The following EYA4 variants were observed in gnomAD, a reference collection of about 807,000 sequenced individuals.
EYA4 encodes EYA transcriptional coactivator and phosphatase 4.
EYA4 carries 31 observed loss-of-function variants against 87.9 expected under a neutral mutation model. The ratio of observed to expected loss-of-function variants is 0.35; its 90% CI spans 0.27 to 0.48. EYA4 has a LOEUF of 0.48. Among genes scored for constraint, EYA4 ranks in the 20% least tolerant of loss-of-function variants. The pLI is 0.99. For missense variants in EYA4, 678 were observed against 761.4 expected, an observed-to-expected ratio of 0.89 and a Z score of 1.29; for synonymous variants, 263 against 270.6, an observed-to-expected ratio of 0.97 and a Z score of 0.28.
intron 13 of EYA4, among the ~76,000 whole-genome samples, chr6:133,490,722 A>T (rs1258957343): frequency 6.6e-6 from 1 of 152,182 alleles, no homozygotes; most frequent in Non-Finnish European, 1.5e-5. Flanking sequence ...TATCATTAAT[A>T]CTAAAGAGAG....
intron 17 of EYA4, among the ~76,000 whole-genome samples, chr6:133,521,237 G>C (rs937955766): frequency 2.0e-5 from 3 of 151,598 alleles, no homozygotes; most frequent in African/African-American, 7.3e-5. Flanking sequence ...CTGATATCCA[G>C]AATCTACAAT....
chr6:133,292,977 A>G (rs1778609127), intron 2 of EYA4, among the ~76,000 whole-genome samples: 1 of 152,160 alleles, frequency 6.6e-6, no homozygotes, highest in African/African-American at 2.4e-5. Flanking sequence ...GTCACACAAC[A>G]CAGTTGATAG....
At chr6:133,309,860 A>G (rs1780083578) in intron 2 of EYA4, among the ~76,000 whole-genome samples, 1 of 152,202 alleles carries the variant, frequency 6.6e-6, no homozygotes, top group Non-Finnish European at 1.5e-5. Flanking sequence ...ATTATGAAAC[A>G]GTATTCTGTC....
chr6:133,528,670 C>A, intron 19 of EYA4, 55 bp from the exon 20 acceptor site: 1 of 1,218,696 alleles, frequency 8.2e-7, no homozygotes, highest in Non-Finnish European at 1.2e-6. Context: ...GATCTCTCTC[C>A]ATGCCTCATT....
At chr6:133,443,542 TTG>T (rs1288684802) in intron 3 of EYA4, among the ~76,000 whole-genome samples, 1 of 152,082 alleles carries the variant, frequency 6.6e-6, no homozygotes, top group Non-Finnish European at 1.5e-5. Flanking sequence ...CTACTCTTTA[TTG>T]TTTCCTTCTA....
intron 3 of EYA4, among the ~76,000 whole-genome samples, chr6:133,445,499 GTTTC>G (rs1792727872): frequency 6.6e-6 from 1 of 150,382 alleles, no homozygotes; most frequent in African/African-American, 2.4e-5. Context: ...TGATCTTTAT[GTTTC>G]TTTCTTCCAT....
In EYA4 at chr6:133,249,260, A is replaced by C. The variant is rs577033714; in HGVS notation, c.-66+7511A>C. Among the ~76,000 whole-genome samples, 347 of 152,300 alleles carry C rather than the reference A, an allele frequency of 2.3e-3. 1 individual carries two copies. The highest frequency in any genetic ancestry group is 4.1e-3 in the Non-Finnish European group (279 of 68,032). On this transcript the variant is annotated intron_variant, in intron 1 of 19. Transcript: ENST00000355286. Reference sequence around the variant, plus strand: ...CACAGGTCTAATCCTCAGGTATTCAAATTAGCTTTAGGTGGACAATTGTCC... The same window carrying C: ...CACAGGTCTAATCCTCAGGTATTCACATTAGCTTTAGGTGGACAATTGTCC...
chr6:133,441,016 G>A (rs1392603074), intron 3 of EYA4, among the ~76,000 whole-genome samples: 3 of 152,020 alleles, frequency 2.0e-5, no homozygotes, highest in Admixed American at 6.5e-5. Context: ...TTTGATGTTT[G>A]TGGTGCTGTA....
chr6:133,253,929 C>T (rs964669929), intron 1 of EYA4, among the ~76,000 whole-genome samples: 11 of 152,120 alleles, frequency 7.2e-5, no homozygotes, highest in Non-Finnish European at 1.2e-4. Context: ...TAAGTGACTG[C>T]ACTATTCCAT....
At chr6:133,516,472 GGAGGCC>G (rs917516279) in intron 17 of EYA4, among the ~76,000 whole-genome samples, 4 of 151,906 alleles carry the variant, frequency 2.6e-5, no homozygotes, top group African/African-American at 9.7e-5. Flanking sequence ...CAGCACTTTG[GGAGGCC>G]GAGGCAGGTG....
At chr6:133,490,654 A>G (rs151236292) in intron 13 of EYA4, among the ~76,000 whole-genome samples, 1 of 152,312 alleles carries the variant, frequency 6.6e-6, no homozygotes, top group Admixed American at 6.5e-5. Flanking sequence ...GCAACAGGAT[A>G]TAACAATTTT....
chr6:133,420,717 C>G (rs212786), intron 3 of EYA4, among the ~76,000 whole-genome samples: 57,310 of 152,170 alleles, frequency 0.38, 14,041 homozygotes, highest in Non-Finnish European at 0.54. Flanking sequence ...CTTTGCTAAA[C>G]TTGTGGTGTG....
chr6:133,476,706 T>A (rs1795768021), intron 11 of EYA4, among the ~76,000 whole-genome samples: 1 of 152,142 alleles, frequency 6.6e-6, no homozygotes, highest in African/African-American at 2.4e-5. Flanking sequence ...AATGCTGCAA[T>A]GAACATGGAA....
At chr6:133,252,519 A>C (rs564590802) in intron 1 of EYA4, among the ~76,000 whole-genome samples, 1 of 152,192 alleles carries the variant, frequency 6.6e-6, no homozygotes, top group African/African-American at 2.4e-5. Context: ...GAAATGATAT[A>C]TAATTGATGT....
rs757737105 is a variant in EYA4 at position 133,506,568 on chromosome 6, C to T, written c.1281+373C>T. On this transcript the variant is annotated intron_variant, in intron 14 of 19. Transcript: ENST00000355286. ...TCACAGACACTATTCATGGTGATAG[C>T]GTGGATCAATTAATTTTGTGGATAA... is the stretch of plus-strand genomic sequence containing the variant. Among the ~76,000 whole-genome samples the T allele has an allele frequency of 4.6e-5, 7 of 152,140 alleles. No individual in the cohort carries two copies. In the East Asian group the frequency reaches 7.7e-4, roughly 17 times the overall value.
chr6:133,465,810 T>C (rs888501566), intron 10 of EYA4, among the ~76,000 whole-genome samples: 6 of 152,142 alleles, frequency 3.9e-5, no homozygotes, highest in East Asian at 1.9e-4. Flanking sequence ...TTTAGTTTTA[T>C]TGATATCACA....
intron 1 of EYA4, among the ~76,000 whole-genome samples, chr6:133,261,877 TATA>T (rs1324580791): frequency 6.6e-6 from 1 of 152,194 alleles, no homozygotes; most frequent in Non-Finnish European, 1.5e-5. Flanking sequence ...CATAACAAAA[TATA>T]ATACAAATGT....
chr6:133,512,403 C>T (rs779408343), intron 14 of EYA4, among the ~76,000 whole-genome samples: 2 of 152,164 alleles, frequency 1.3e-5, no homozygotes, highest in Non-Finnish European at 1.5e-5. Flanking sequence ...TGGAAGGGAA[C>T]TCAAATGCTT....
chr6:133,307,518 TG>T (rs1299631249), intron 2 of EYA4, among the ~76,000 whole-genome samples: 3 of 152,184 alleles, frequency 2.0e-5, no homozygotes, highest in Non-Finnish European at 2.9e-5. Context: ...TTAAGTGCTA[TG>T]GGCTGGAGGC....
Sources: gnomAD v4.1 joint callset for allele counts (sites outside exome capture counted in the v4.1 genomes callset) on GRCh38, gnomAD v4.1.1 for gene constraint, MANE v1.5 for transcripts, NCBI Gene and HGNC (gene_info 2026-07-23, HGNC 2026-07-21) for gene names.